The following MAGI3 variants were observed in gnomAD, a reference collection of about 807,000 sequenced individuals.
The protein encoded by MAGI3 is membrane-associated guanylate kinase, WW and PDZ domain-containing protein 3.
In MAGI3, 43 loss-of-function variants were observed where a neutral mutation model predicts 121.8. The observed-to-expected ratio is 0.35, with a 90% CI of 0.28 to 0.46. The LOEUF (loss-of-function observed/expected upper bound fraction) is 0.46. Ranked by LOEUF, MAGI3 falls within the 20% of genes least tolerant of loss-of-function variation. The pLI is 1.00. For missense variants in MAGI3, 1,547 were observed against 1,797.3 expected, an observed-to-expected ratio of 0.86 and a Z score of 2.52; for synonymous variants, 553 against 639.3, an observed-to-expected ratio of 0.86 and a Z score of 2.04.
intron 1 of MAGI3, among the ~76,000 whole-genome samples, chr1:113,529,995 A>T (rs1195328522): frequency 6.6e-6 from 1 of 152,116 alleles, no homozygotes; most frequent in African/African-American, 2.4e-5. Flanking sequence ...TGACTGTGTG[A>T]TAGTGGGCAT....
chr1:113,450,202 A>G (rs576419502), intron 1 of MAGI3: 264 of 1,570,960 alleles, frequency 1.7e-4, no homozygotes, highest in Non-Finnish European at 2.1e-4. Context: ...ATACCACACT[A>G]TTAATGGGCA....
Position 113,391,201 on chromosome 1 carries a change from C to T in MAGI3, c.168C>T (p.Thr56=). The T allele has an allele frequency of 6.4e-7, 1 of 1,553,026 alleles. No individual in the cohort carries two copies. The highest frequency in any genetic ancestry group is 8.7e-7 in the Non-Finnish European group (1 of 1,148,722). ...TCCGCGAGGAGCCCGGCGGGGGCACCTGCTGCGTCGTCTCGGGCAAGGCGC... is the reference window on the plus strand; with the variant it reads ...TCCGCGAGGAGCCCGGCGGGGGCACTTGCTGCGTCGTCTCGGGCAAGGCGC... ...GRLREEPGGG[T]CCVVSGKAPS... is the part of the protein sequence containing the mutation. The change falls in exon 1 of 21, where the codon ACC becomes ACT. Residue 56 remains threonine, a synonymous_variant. Transcript: ENST00000307546. This position sits in a 1 kb window ranked among gnomAD's most constrained non-coding sequence, Gnocchi z 4.4.
At chr1:113,652,328 G>A (rs1410157405) in intron 14 of MAGI3, among the ~76,000 whole-genome samples, 1 of 152,198 alleles carries the variant, frequency 6.6e-6, no homozygotes, top group Non-Finnish European at 1.5e-5. Context: ...ACCTAAAAGA[G>A]TGCCTGTCTG....
At position 113,658,662 on chromosome 1, in the gene MAGI3, G is replaced by T. The variant is rs1653609335; in HGVS notation, c.2630-418G>T. On this transcript the variant is annotated intron_variant, in intron 15 of 20. Coordinates refer to ENST00000307546, the MANE Select transcript of MAGI3 (RefSeq NM_001142782.2). The surrounding 1 kb of genome is among the most constrained non-coding windows in gnomAD (Gnocchi z 4.0). The stretch of plus-strand genomic sequence containing the variant: ...CAAGTGTCCCTTTAACAGAAGCAAA[G>T]ATAATCTTATCGTAGCAGTTTTTAA... 6.6e-6 allele frequency among the ~76,000 whole-genome samples: 1 copy of T among 152,162 alleles called. No homozygotes were observed. The highest frequency in any genetic ancestry group is 2.4e-5 in the African/African-American group (1 of 41,434).
intron 1 of MAGI3, among the ~76,000 whole-genome samples, chr1:113,547,569 T>C (rs1659595632): frequency 6.6e-6 from 1 of 152,202 alleles, no homozygotes; most frequent in Admixed American, 6.6e-5. Flanking sequence ...AAAACTTTTG[T>C]ATAACATTTA....
intron 1 of MAGI3, among the ~76,000 whole-genome samples, chr1:113,474,212 T>C (rs546904430): frequency 6.6e-6 from 1 of 152,306 alleles, no homozygotes; most frequent in South Asian, 2.1e-4. Context: ...ATTCTGTAGG[T>C]TGCCTGTTCA....
intron 1 of MAGI3, among the ~76,000 whole-genome samples, chr1:113,528,924 AT>A (rs1047712178): frequency 1.3e-5 from 2 of 152,174 alleles, no homozygotes; most frequent in African/African-American, 4.8e-5. Context: ...GACTTGAAAT[AT>A]TTTTTGTTCT....
In MAGI3 at chr1:113,422,319, G is replaced by A. The variant is rs565700531; in HGVS notation, c.316+30970G>A. Reference sequence around the variant, plus strand: ...TCTATTCATTTGTGCATGTGTATGTGTGACAGCATCCTTAGGGTGTTGCTT... The same window carrying A: ...TCTATTCATTTGTGCATGTGTATGTATGACAGCATCCTTAGGGTGTTGCTT... On this transcript the variant is annotated intron_variant, in intron 1 of 20. Transcript: ENST00000307546. This position sits in a 1 kb window ranked among gnomAD's most constrained non-coding sequence, Gnocchi z 4.3. Among the ~76,000 whole-genome samples, 1 of 152,218 alleles carries A rather than the reference G, an allele frequency of 6.6e-6. No individual in the cohort carries two copies. The highest frequency in any genetic ancestry group is 1.5e-5 in the Non-Finnish European group (1 of 68,048).
chr1:113,681,532 G>A (rs1013801019), intron 20 of MAGI3, among the ~76,000 whole-genome samples, 196 bp downstream of exon 20: 5 of 152,200 alleles, frequency 3.3e-5, no homozygotes, highest in African/African-American at 7.2e-5. Context: ...CAGGACTTTC[G>A]TTGGAATGGA....
At chr1:113,662,256 G>A (rs55968840) in intron 16 of MAGI3, among the ~76,000 whole-genome samples, 10,158 of 152,148 alleles carry the variant, frequency 0.067, 475 homozygotes, top group Middle Eastern at 0.16. Context: ...TGTTGCCAAG[G>A]ATATGGTAAG....
intron 1 of MAGI3, among the ~76,000 whole-genome samples, chr1:113,527,458 AGGC>A: frequency 6.6e-6 from 1 of 152,202 alleles, no homozygotes; most frequent in African/African-American, 2.4e-5. Flanking sequence ...ATAGGGAGAA[AGGC>A]ATATAAAAGA....
intron 1 of MAGI3, among the ~76,000 whole-genome samples, chr1:113,434,450 G>A (rs7551268): frequency 0.95 from 144,477 of 152,154 alleles, 68,638 homozygotes; most frequent in East Asian, 0.99. Flanking sequence ...TAGTTATACT[G>A]CTCTATTTTC....
intron 1 of MAGI3, among the ~76,000 whole-genome samples, chr1:113,521,088 A>AT (rs112195143): frequency 0.3 from 41,734 of 141,124 alleles, 6,271 homozygotes; most frequent in South Asian, 0.47. Context: ...AGTGCTATTC[A>AT]TTTTTTTTTT....
chr1:113,460,274 A>G (rs1376973962), intron 1 of MAGI3, among the ~76,000 whole-genome samples: 1 of 152,210 alleles, frequency 6.6e-6, no homozygotes, highest in East Asian at 1.9e-4. Context: ...ACATACCTCA[A>G]AATAATAAGA....
intron 1 of MAGI3, among the ~76,000 whole-genome samples, chr1:113,490,242 C>G (rs1277224432): frequency 1.3e-5 from 2 of 152,132 alleles, no homozygotes; most frequent in Admixed American, 6.5e-5. Flanking sequence ...GTTCAACATT[C>G]TTAAAAGAAA....
At chr1:113,473,217 A>T (rs1655629770) in intron 1 of MAGI3, among the ~76,000 whole-genome samples, 1 of 152,118 alleles carries the variant, frequency 6.6e-6, no homozygotes, top group Admixed American at 6.5e-5. Flanking sequence ...TGCTAGGTAT[A>T]GTATTCTTGG....
At chr1:113,630,058 G>A (rs938541452) in intron 9 of MAGI3, among the ~76,000 whole-genome samples, 1 of 152,046 alleles carries the variant, frequency 6.6e-6, no homozygotes, top group African/African-American at 2.4e-5. Flanking sequence ...CCCAAGCCGC[G>A]AGTGGATTCA....
chr1:113,623,300 G>A (rs910076256), intron 9 of MAGI3, among the ~76,000 whole-genome samples: 7 of 151,544 alleles, frequency 4.6e-5, no homozygotes, highest in African/African-American at 7.3e-5. Flanking sequence ...TAAACAACCC[G>A]TTTATACTCT....
chr1:113,559,784 T>A (rs940267001), intron 2 of MAGI3, among the ~76,000 whole-genome samples: 1 of 152,170 alleles, frequency 6.6e-6, no homozygotes, highest in Non-Finnish European at 1.5e-5. Context: ...TTGGCTGGGC[T>A]GGTCTCGAAT....
Sources: allele counts gnomAD v4.1 joint callset (sites outside exome capture counted in the v4.1 genomes callset), GRCh38; gene constraint gnomAD v4.1.1; non-coding constraint Gnocchi (gnomAD v3.1); transcripts MANE v1.5; gene names NCBI Gene and HGNC (gene_info 2026-07-23, HGNC 2026-07-21).